Variants in FXR1 observed in about 807,000 individuals in gnomAD.
FXR1 encodes the protein RNA-binding protein FXR1.
Under a neutral mutation model 84.0 loss-of-function variants are expected in FXR1, and 15 were observed. That is an observed-to-expected ratio of 0.18 (90% CI 0.12 to 0.27). The LOEUF (loss-of-function observed/expected upper bound fraction) is 0.27, where lower values mean the gene tolerates loss of function less well. FXR1 is among the 10% of genes least tolerant of loss of function. The pLI is 1.00. For missense variants in FXR1, 480 were observed against 774.4 expected (o/e 0.62, Z 4.51); for synonymous variants, 245 against 250.7 (o/e 0.98, Z 0.21).
intron 2 of FXR1, among the ~76,000 whole-genome samples, chr3:180,933,956 C>CA (rs533315997): frequency 5.9e-4 from 88 of 149,604 alleles, no homozygotes; most frequent in South Asian, 3.6e-3. Context: ...CTAAAAAATA[C>CA]AAAAAAATTA....
intron 3 of FXR1, among the ~76,000 whole-genome samples, chr3:180,937,976 GA>G (rs200610302): frequency 1.3e-5 from 2 of 151,588 alleles, no homozygotes; most frequent in Admixed American, 6.6e-5. Context: ...TATTTAAGTT[GA>G]AAAAAAATTG....
chr3:180,925,255 G>T (rs894917603), intron 1 of FXR1, among the ~76,000 whole-genome samples: 2 of 151,878 alleles, frequency 1.3e-5, no homozygotes, highest in African/African-American at 4.8e-5. Context: ...CAGCTACTCG[G>T]AAGGCTAAGG....
Position 180,932,878 on chromosome 3 carries a change from T to G in FXR1, c.52-456T>G, listed in dbSNP as rs141245928. ...TGCTAAACATTACTTCATTTACTTC[T>G]GATAAATTTTTCATTAGGTGGATGA... is the stretch of plus-strand genomic sequence containing the variant. On this transcript the variant is annotated intron_variant, in intron 1 of 16. Coordinates refer to ENST00000357559, the MANE Select transcript of FXR1 (RefSeq NM_005087.4). Among the ~76,000 whole-genome samples the G allele has an allele frequency of 5.2e-3, 789 of 152,342 alleles. 3 individuals carry two copies. Among genetic ancestry groups the G allele is most frequent in the Middle Eastern group, 0.02 (6 of 294 alleles).
intron 1 of FXR1, 29 bp from the exon 2 acceptor site, chr3:180,933,305 T>G (rs746378143): frequency 3.7e-6 from 5 of 1,359,768 alleles, no homozygotes; most frequent in Non-Finnish European, 5.3e-6. Flanking sequence ...TTAATATCTA[T>G]GCTTTTATAA....
Position 180,944,557 on chromosome 3 carries a change from GC to G in FXR1, c.199-3307del, listed in dbSNP as rs1721493553. ...GTCCAGGTTGGTCTCAAACTCCTGG[GC>G]TCAAGCAGTCCTCCTGCCTCAGCCT... On this transcript the variant is annotated intron_variant, in intron 3 of 16. Coordinates refer to ENST00000357559, the MANE Select transcript of FXR1 (RefSeq NM_005087.4). Among the ~76,000 whole-genome samples, 3 of 151,624 alleles carry G rather than the reference GC, an allele frequency of 2.0e-5. No individual in the cohort carries two copies. The South Asian group carries it at 6.3e-4, about 32-fold the overall frequency.
At chr3:180,913,755 T>G (rs912066623) in intron 1 of FXR1, among the ~76,000 whole-genome samples, 2 of 152,186 alleles carry the variant, frequency 1.3e-5, no homozygotes, top group African/African-American at 4.8e-5. Flanking sequence ...ATACAGAATC[T>G]CCCCAGCTGT....
chr3:180,953,516 A>AT (rs1722436818), intron 8 of FXR1, among the ~76,000 whole-genome samples: 1 of 152,134 alleles, frequency 6.6e-6, no homozygotes, highest in South Asian at 2.1e-4. Flanking sequence ...CAGCTTAAAG[A>AT]TTTTAGAGAT....
At chr3:180,924,545 G>A (rs181841230) in intron 1 of FXR1, among the ~76,000 whole-genome samples, 131 of 152,302 alleles carry the variant, frequency 8.6e-4, no homozygotes, top group Admixed American at 1.5e-3. Context: ...TTGATTTTAG[G>A]TGTCAGTAAA....
intron 1 of FXR1, among the ~76,000 whole-genome samples, chr3:180,926,506 A>ATATATATATATTT (rs72192827): frequency 4.8e-5 from 6 of 124,398 alleles, no homozygotes; most frequent in Admixed American, 8.3e-5. Flanking sequence ...ATATATATAT[A>ATATATATATATTT]TTTTTTTTTC....
intron 1 of FXR1, among the ~76,000 whole-genome samples, chr3:180,926,432 G>A (rs1167566735): frequency 1.3e-5 from 2 of 148,396 alleles, no homozygotes; most frequent in South Asian, 2.1e-4. Context: ...AAAAAGTTGG[G>A]TTAAGCCAAG....
chr3:180,928,787 A>G (rs1045495001), intron 1 of FXR1, among the ~76,000 whole-genome samples: 7 of 152,152 alleles, frequency 4.6e-5, no homozygotes, highest in African/African-American at 1.4e-4. Context: ...ATCTTTGACT[A>G]GAACCTTTTT....
intron 11 of FXR1, among the ~76,000 whole-genome samples, chr3:180,961,833 C>G (rs184023365): frequency 1.4e-4 from 22 of 152,114 alleles, no homozygotes; most frequent in Non-Finnish European, 3.1e-4. Context: ...AGAAATGATT[C>G]CTTTGTCTTC....
At position 180,980,986 on chromosome 3, in the gene FXR1, C is replaced by CT. The variant is rs1238788163; in HGVS notation, c.*4695dup. On this transcript the variant is annotated 3_prime_UTR_variant, in exon 17 of 17. Coordinates refer to ENST00000357559, the MANE Select transcript of FXR1 (RefSeq NM_005087.4). ...AGGGTTTTGTTTTTTTAAGCTTAGT[C>CT]TGTTCTTTGACATTGTTGATTCATG... is the stretch of plus-strand genomic sequence containing the variant. 5.9e-5 allele frequency: 9 copies of CT among 151,582 alleles called. No individual in the cohort carries two copies. Among genetic ancestry groups the CT allele is most frequent in the Non-Finnish European group, 1.3e-4 (9 of 67,836 alleles). 9.4% of individuals were successfully genotyped at this position (151,582 alleles called of 1,614,324 possible).
rs1017237729 is a variant in FXR1 at position 180,979,022 on chromosome 3, A to C, written c.*2730A>C. 6.6e-5 allele frequency: 10 copies of C among 152,140 alleles called. No homozygotes were observed. The highest frequency in any genetic ancestry group is 2.4e-4 in the African/African-American group (10 of 41,444). The allele number at this position is 152,140 out of a possible 1,614,324, so 9.4% of individuals were successfully genotyped here. ...AAATAATCTTGTATTTTAATGTGGA[A>C]TTAGAAGCAGCACATCAAACTGGTG... On this transcript the variant is annotated 3_prime_UTR_variant, in exon 17 of 17. Transcript: ENST00000357559.
intron 8 of FXR1, among the ~76,000 whole-genome samples, chr3:180,952,047 T>A (rs78860730): frequency 0.068 from 10,395 of 152,208 alleles, 1,024 homozygotes; most frequent in African/African-American, 0.22. Context: ...ATATAAATTT[T>A]TATATATACA....
chr3:180,953,627 C>T (rs1722449835), intron 8 of FXR1, 135 bp from the exon 9 acceptor site: 8 of 538,562 alleles, frequency 1.5e-5, no homozygotes, highest in Admixed American at 1.3e-4. Flanking sequence ...AAATCTCTCC[C>T]CAGTGGAATG....
chr3:180,973,430 C>T (rs980354945), intron 15 of FXR1, among the ~76,000 whole-genome samples: 3 of 152,190 alleles, frequency 2.0e-5, no homozygotes, highest in Non-Finnish European at 2.9e-5. Context: ...AATTTAGCAG[C>T]AGGCTTTCCA....
intron 9 of FXR1, among the ~76,000 whole-genome samples, chr3:180,956,153 C>A (rs1176843369): frequency 6.6e-6 from 1 of 152,152 alleles, no homozygotes; most frequent in Non-Finnish European, 1.5e-5. Flanking sequence ...GATTTCCTTA[C>A]ACATTCGGGT....
chr3:180,961,399 C>G (rs184434092), intron 10 of FXR1, 69 bp from the exon 11 acceptor site: 4 of 545,554 alleles, frequency 7.3e-6, no homozygotes, highest in Non-Finnish European at 1.3e-5. Context: ...CTGTCAGTTT[C>G]ATGTCACTTT....
Sources: allele counts gnomAD v4.1 joint callset (sites outside exome capture counted in the v4.1 genomes callset), GRCh38; gene constraint gnomAD v4.1.1; transcripts MANE v1.5; gene names NCBI Gene and HGNC (gene_info 2026-07-23, HGNC 2026-07-21).